LCORL: variants seen among roughly 807,000 people sequenced by gnomAD.
The protein encoded by LCORL is ligand-dependent nuclear receptor corepressor-like protein.
In LCORL, 41 loss-of-function variants were observed where a neutral mutation model predicts 141.8. That is an observed-to-expected ratio of 0.29 (90% confidence interval 0.23 to 0.38). The LOEUF (loss-of-function observed/expected upper bound fraction) is 0.38, where lower values mean the gene tolerates loss of function less well. LCORL is among the 10% of genes least tolerant of loss of function. LCORL has a pLI of 1.00. For missense variants in LCORL, 1,759 were observed against 2,035.0 expected (o/e 0.86, Z 2.61); for synonymous variants, 618 against 694.1 (o/e 0.89, Z 1.72).
chr4:17,898,737 T>C (rs1340853591), intron 5 of LCORL, among the ~76,000 whole-genome samples: 1 of 151,606 alleles, frequency 6.6e-6, no homozygotes, highest in African/African-American at 2.4e-5. Context: ...GATGGATATT[T>C]GGATTATTTC....
At chr4:17,896,163 C>T (rs1729890838) in intron 5 of LCORL, among the ~76,000 whole-genome samples, 1 of 152,046 alleles carries the variant, frequency 6.6e-6, no homozygotes, top group Non-Finnish European at 1.5e-5. Context: ...AGCAATGTAT[C>T]AGGGGTCCAA....
At chr4:17,953,852 G>A (rs574361789) in intron 4 of LCORL, among the ~76,000 whole-genome samples, 3 of 152,028 alleles carry the variant, frequency 2.0e-5, no homozygotes, top group Admixed American at 6.6e-5. Flanking sequence ...TTTAAGAGGA[G>A]TAAGGGAGAG....
At chr4:17,981,250 G>A (rs997541696) in intron 1 of LCORL, among the ~76,000 whole-genome samples, 1 of 152,074 alleles carries the variant, frequency 6.6e-6, no homozygotes, top group African/African-American at 2.4e-5. Context: ...CCTAGAGTAT[G>A]AATATTTTAA....
exon 7 of LCORL, chr4:17,874,072 T>C: frequency 8.1e-7 from 1 of 1,233,564 alleles, no homozygotes; most frequent in South Asian, 4.1e-5. Context: ...TCTCCCTCAG[T>C]CTTATTTAAA....
In LCORL at chr4:17,884,257, T is replaced by G; in HGVS notation, c.776+1811A>C. 6.4e-7 allele frequency: 1 copy of G among 1,550,776 alleles called. No homozygotes were observed. The highest frequency in any genetic ancestry group is 8.7e-7 in the Non-Finnish European group (1 of 1,146,406). ...ACAGACCAGAACCATCAGGTTGTGA[T>G]TTTGAGACAGAACTTACTCGTAGCT... On this transcript the variant is annotated intron_variant, in intron 6 of 7. Coordinates refer to ENST00000635767, the Ensembl canonical transcript of LCORL. The surrounding 1 kb of genome is among the most constrained non-coding windows in gnomAD (Gnocchi z 4.4).
rs112883351 is a variant in LCORL, at chr4:17,845,937, T to C, written c.5603-36A>G. ...AAGTGTAAGGCATTTTAGTTTTACT[T>C]TAATTTCAAAGTAATTATCAACCTT... On this transcript the variant is annotated intron_variant, in intron 7 of 7. Transcript: ENST00000635767. 4.8e-4 allele frequency: 739 copies of C among 1,531,032 alleles called. 6 individuals are homozygous for C. In the African/African-American group the frequency reaches 8.9e-3, roughly 18 times the overall value. 94.8% of individuals were successfully genotyped at this position (1,531,032 alleles called of 1,614,324 possible). A position where few individuals can be genotyped will look rare whatever the true frequency, so the allele number is the denominator to read the frequency against.
intron 4 of LCORL, among the ~76,000 whole-genome samples, chr4:17,938,975 A>G (rs899356547): frequency 1.3e-5 from 2 of 152,234 alleles, no homozygotes; most frequent in African/African-American, 2.4e-5. Flanking sequence ...GACAAAGTCT[A>G]TAAAAGCACT....
At chr4:17,880,444 A>G in intron 6 of LCORL, 2 of 917,746 alleles carry the variant, frequency 2.2e-6, no homozygotes, top group Non-Finnish European at 2.6e-6. Context: ...TTCCTGTTTG[A>G]TTTATAAACC....
At chr4:17,865,854 G>A (rs1725580277) in intron 7 of LCORL, among the ~76,000 whole-genome samples, 1 of 152,108 alleles carries the variant, frequency 6.6e-6, no homozygotes, top group South Asian at 2.1e-4. Context: ...GAATCACAAT[G>A]GTCTAAGTGT....
intron 1 of LCORL, among the ~76,000 whole-genome samples, chr4:18,016,757 C>T (rs1040376320): frequency 3.9e-5 from 6 of 152,066 alleles, no homozygotes; most frequent in Admixed American, 2.6e-4. Context: ...CTTAAATTTA[C>T]ATGTTTTACT....
chr4:17,956,453 G>A (rs1334694753), intron 4 of LCORL, among the ~76,000 whole-genome samples: 6 of 152,112 alleles, frequency 3.9e-5, no homozygotes, highest in East Asian at 3.9e-4. Flanking sequence ...TCTACATAAT[G>A]GAATACTATT....
chr4:17,891,117 C>A (rs1272029317), intron 5 of LCORL, among the ~76,000 whole-genome samples: 2 of 152,086 alleles, frequency 1.3e-5, no homozygotes, highest in African/African-American at 4.8e-5. Context: ...CTCTATTTTT[C>A]TATAGTGTAC....
chr4:17,845,638 A>G, exon 8 of LCORL: 2 of 920,886 alleles, frequency 2.2e-6, no homozygotes, highest in Non-Finnish European at 3.2e-6. Flanking sequence ...GACTAGAAAT[A>G]CTTCAAGATC....
intron 1 of LCORL, among the ~76,000 whole-genome samples, chr4:17,975,493 A>G (rs1053610900): frequency 1.3e-5 from 2 of 151,518 alleles, no homozygotes; most frequent in Non-Finnish European, 2.9e-5. Context: ...CCTCCTGGGT[A>G]CATGCGAATT....
At chr4:18,005,691 T>C (rs576856881) in intron 1 of LCORL, among the ~76,000 whole-genome samples, 122 of 152,338 alleles carry the variant, frequency 8.0e-4, no homozygotes, top group African/African-American at 2.8e-3. Context: ...CTGCAAAGGC[T>C]TGGGGCTTGC....
At chr4:17,866,362 C>G (rs1725652632) in intron 7 of LCORL, among the ~76,000 whole-genome samples, 1 of 152,146 alleles carries the variant, frequency 6.6e-6, no homozygotes, top group South Asian at 2.1e-4. Flanking sequence ...TGTGTATTTA[C>G]TCAATGTCTG....
At chr4:18,009,031 G>T (rs1225893903) in intron 1 of LCORL, among the ~76,000 whole-genome samples, 2 of 151,868 alleles carry the variant, frequency 1.3e-5, no homozygotes, top group African/African-American at 2.4e-5. Flanking sequence ...GGAAATTAAC[G>T]GTAATACACT....
rs547504962 is a variant in LCORL at position 17,984,291 on chromosome 4, T to C, written c.155-11406A>G. ...GATGATGCTGGCCTCATACAATGAG[T>C]TGGGGAGGAGATCCTCTTCCTATAT... On this transcript the variant is annotated intron_variant, in intron 1 of 7. Transcript: ENST00000635767. Among the ~76,000 whole-genome samples, 38 of 152,186 alleles carry C rather than the reference T, an allele frequency of 2.5e-4. 1 individual carries two copies. The highest frequency in any genetic ancestry group is 3.4e-3 in the Middle Eastern group (1 of 294).
At chr4:17,981,514 TG>T (rs1339723198) in intron 1 of LCORL, among the ~76,000 whole-genome samples, 1 of 152,116 alleles carries the variant, frequency 6.6e-6, no homozygotes, top group Non-Finnish European at 1.5e-5. Context: ...CCCAGCACTT[TG>T]GGAGGCTGAG....
Sources: allele counts gnomAD v4.1 joint callset (sites outside exome capture counted in the v4.1 genomes callset), GRCh38; gene constraint gnomAD v4.1.1; non-coding constraint Gnocchi (gnomAD v3.1); transcripts MANE v1.5; gene names NCBI Gene and HGNC (gene_info 2026-07-23, HGNC 2026-07-21).